Variants in PATL1 observed in about 807,000 individuals in gnomAD.
The protein encoded by PATL1 is protein PAT1 homolog 1.
PATL1 carries 32 observed loss-of-function variants against 100.6 expected under a neutral mutation model. The ratio of observed to expected loss-of-function variants is 0.32; its 90% CI spans 0.24 to 0.43. The LOEUF is 0.43. Ranked by LOEUF, PATL1 falls within the 20% of genes least tolerant of loss-of-function variation. The pLI is 1.00. For missense variants in PATL1, 747 were observed against 949.9 expected, an observed-to-expected ratio of 0.79 and a Z score of 2.81; for synonymous variants, 332 against 330.0, an observed-to-expected ratio of 1.01 and a Z score of -0.07.
intron 15 of PATL1, among the ~76,000 whole-genome samples, 196 bp downstream of exon 15, chr11:59,647,558 A>G (rs1861381928): frequency 6.6e-6 from 1 of 152,230 alleles, no homozygotes; most frequent in African/African-American, 2.4e-5. Context: ...GTTTAGAAAC[A>G]TAGTCTGTTC....
At chr11:59,661,018 G>A (rs1861617902) in intron 2 of PATL1, among the ~76,000 whole-genome samples, 1 of 152,144 alleles carries the variant, frequency 6.6e-6, no homozygotes, top group African/African-American at 2.4e-5. Context: ...TCTCACTCCA[G>A]TTCTCTCCAA....
At chr11:59,646,278 A>ATTT (rs35277057) in intron 15 of PATL1, among the ~76,000 whole-genome samples, 2 of 133,798 alleles carry the variant, frequency 1.5e-5, no homozygotes, top group Non-Finnish European at 1.6e-5. Context: ...CATTTGTGGA[A>ATTT]TTTTTTTTTT....
At chr11:59,647,949 G>C (rs1199773108) in intron 14 of PATL1, 36 bp from the exon 15 acceptor site, 13 of 1,555,288 alleles carry the variant, frequency 8.4e-6, no homozygotes, top group Admixed American at 4.1e-5. Flanking sequence ...AGGTCAGCAA[G>C]AACAATTAAG....
Position 59,653,989 on chromosome 11 carries a change from T to A in PATL1, c.1115A>T (p.Asn372Ile), listed in dbSNP as rs1184618285. 1 of 1,610,646 alleles carries A rather than the reference T, an allele frequency of 6.2e-7. No individual in the cohort carries two copies. The highest frequency in any genetic ancestry group is 1.3e-5 in the African/African-American group (1 of 74,968). ...GAATCGGATGAGTACTTACCTTCTA[T>A]TCTGTTGCTGTCTCTGATGCAAGAG... ...RRLLHQRQQQ[N>I]RSQHRNLNGA... is the part of the protein sequence containing the mutation. The change falls in exon 9 of 19, where the codon AAT becomes ATT. Residue 372 changes from asparagine to isoleucine, a missense_variant. Asn to Ile is a moderately radical substitution (Grantham distance 149). This residue lies in a region of PATL1 where 434 missense variants were observed against 596.1 expected (regional missense o/e 0.73). Transcript: ENST00000300146.
chr11:59,666,982 ACATTAGTTATT>A lies in PATL1; in HGVS notation c.16-29_16-19del. On this transcript the variant is annotated intron_variant, in intron 1 of 18. Coordinates refer to ENST00000300146, the MANE Select transcript of PATL1 (RefSeq NM_152716.3). ...TCCAAAGACTAAAAAAAAAGAAAAG[ACATTAGTTATT>A]CATGAAATTCACACCCTCATTTTAA... is the stretch of plus-strand genomic sequence containing the variant. The A allele has an allele frequency of 2.0e-6, 3 of 1,533,340 alleles. No individual in the cohort carries two copies. Among genetic ancestry groups the A allele is most frequent in the Non-Finnish European group, 2.6e-6 (3 of 1,142,810 alleles). The allele number at this position is 1,533,340 out of a possible 1,614,324, so 95.0% of individuals were successfully genotyped here.
chr11:59,655,896 T>C, intron 7 of PATL1, 60 bp downstream of exon 7: 1 of 1,407,040 alleles, frequency 7.1e-7, no homozygotes, highest in Non-Finnish European at 9.8e-7. Flanking sequence ...GGGGCTATTA[T>C]CTAATGAACT....
At chr11:59,667,242 T>C (rs1415857611) in intron 1 of PATL1, 12 of 302,300 alleles carry the variant, frequency 4.0e-5, no homozygotes, top group Non-Finnish European at 5.8e-5. Context: ...CGAACAGCAG[T>C]TCCTCATGCA....
chr11:59,651,414 C>G, intron 12 of PATL1, 130 bp downstream of exon 12: 1 of 658,580 alleles, frequency 1.5e-6, no homozygotes, highest in Non-Finnish European at 2.6e-6. Context: ...AACTAGAATG[C>G]ATGACGAGGT....
chr11:59,652,434 T>C, intron 11 of PATL1, 30 bp downstream of exon 11: 1 of 1,587,032 alleles, frequency 6.3e-7, no homozygotes, highest in South Asian at 1.2e-5. Flanking sequence ...ATTTCTTTTA[T>C]TATGGGCATT....
intron 2 of PATL1, among the ~76,000 whole-genome samples, chr11:59,662,291 C>T (rs768735371): frequency 3.3e-5 from 5 of 152,118 alleles, no homozygotes; most frequent in African/African-American, 4.8e-5. Flanking sequence ...CTTAAGCCTC[C>T]GGGACATGGG....
intron 1 of PATL1, among the ~76,000 whole-genome samples, chr11:59,667,355 C>T (rs554499948): frequency 9.2e-5 from 14 of 152,218 alleles, no homozygotes; most frequent in Admixed American, 8.5e-4. Context: ...GTATCTTTTC[C>T]AGCAAAATTC....
At chr11:59,668,847 G>T (rs1432990586) in intron 1 of PATL1, 34 bp downstream of exon 1, 7 of 1,247,202 alleles carry the variant, frequency 5.6e-6, no homozygotes, top group Non-Finnish European at 7.7e-6. Flanking sequence ...GCGCGGGAGG[G>T]AGGGAGGGGT....
rs187119312 is a variant in PATL1, at chr11:59,664,262, C to T, written c.127+2591G>A. Among the ~76,000 whole-genome samples the T allele has an allele frequency of 1.2e-4, 18 of 152,224 alleles. No homozygotes were observed. In the East Asian group the frequency reaches 2.9e-3, roughly 24 times the overall value. On this transcript the variant is annotated intron_variant, in intron 2 of 18. Coordinates refer to ENST00000300146, the MANE Select transcript of PATL1 (RefSeq NM_152716.3). ...ATCATATAAAATACCGTTCCGGACA[C>T]TCTAACATCCTTTTAAGGCAATATT...
intron 4 of PATL1, among the ~76,000 whole-genome samples, chr11:59,658,184 A>G (rs551936428): frequency 5.3e-4 from 81 of 151,930 alleles, no homozygotes; most frequent in Admixed American, 2.0e-3. Flanking sequence ...AAAAGAAAGA[A>G]AGAGAGAGCA....
intron 2 of PATL1, among the ~76,000 whole-genome samples, chr11:59,661,638 C>T (rs1414750546): frequency 6.6e-6 from 1 of 152,118 alleles, no homozygotes; most frequent in Admixed American, 6.6e-5. Flanking sequence ...CTTTTTTCTG[C>T]TTTCAGAGAA....
intron 8 of PATL1, among the ~76,000 whole-genome samples, chr11:59,655,302 C>T (rs546842722): frequency 1.3e-5 from 2 of 152,262 alleles, no homozygotes; most frequent in African/African-American, 4.8e-5. Context: ...GCTGACTTTT[C>T]GGCATCTGTC....
Position 59,651,649 on chromosome 11 carries a change from GAC to G in PATL1, c.1427-10_1427-9del. On this transcript the variant is annotated splice_polypyrimidine_tract_variant and intron_variant, in intron 11 of 18. Transcript: ENST00000300146. ...AAGAGCCCTCAAATTGCACTGCAAA[GAC>G]AAAAAAAAAAAAAATTCCAACAAAA... The G allele has an allele frequency of 1.4e-6, 2 of 1,446,280 alleles. No homozygotes were observed. The highest frequency in any genetic ancestry group is 2.4e-5 in the Admixed American group (1 of 41,566). 89.6% of individuals were successfully genotyped at this position (1,446,280 alleles called of 1,614,324 possible).
intron 8 of PATL1, among the ~76,000 whole-genome samples, chr11:59,654,349 C>T (rs1009212290): frequency 6.6e-6 from 1 of 151,732 alleles, no homozygotes; most frequent in Admixed American, 6.6e-5. Context: ...TGGTAGCAGG[C>T]GCCTGTAGTC....
chr11:59,662,559 A>G (rs1861640498), intron 2 of PATL1, among the ~76,000 whole-genome samples: 1 of 152,232 alleles, frequency 6.6e-6, no homozygotes, highest in Non-Finnish European at 1.5e-5. Flanking sequence ...TAATGTAATT[A>G]AAAACCAAAT....
Sources: gnomAD v4.1 joint callset for allele counts (sites outside exome capture counted in the v4.1 genomes callset) on GRCh38, gnomAD v4.1.1 for gene constraint, gnomAD v4.1.1 regional missense constraint, MANE v1.5 for transcripts, NCBI Gene and HGNC (gene_info 2026-07-23, HGNC 2026-07-21) for gene names.